Variants in KDM2A observed in about 807,000 individuals in gnomAD.
KDM2A encodes lysine-specific demethylase 2A.
In KDM2A, 3 loss-of-function variants were observed where a neutral mutation model predicts 137.3. The observed-to-expected ratio is 0.02, with a 90% CI of 0.01 to 0.06. The LOEUF (loss-of-function observed/expected upper bound fraction) is 0.06. KDM2A is among the 10% of genes least tolerant of loss of function. The probability of loss-of-function intolerance (pLI) is 1.00; values close to 1 mark genes in which losing one functional copy is unlikely to be tolerated. For missense variants in KDM2A, 738 were observed against 1,510.6 expected (o/e 0.49, Z 8.48); for synonymous variants, 512 against 541.5 (o/e 0.95, Z 0.76).
chr11:67,160,281 T>C (rs1856605776), intron 2 of KDM2A, among the ~76,000 whole-genome samples: 3 of 152,242 alleles, frequency 2.0e-5, no homozygotes, highest in Admixed American at 2.0e-4. Context: ...TCTCTGGGTA[T>C]GCTGTTGCCA....
At chr11:67,248,233 A>G in intron 15 of KDM2A, 48 bp from the exon 16 acceptor site, 2 of 1,327,150 alleles carry the variant, frequency 1.5e-6, no homozygotes, top group Non-Finnish European at 2.1e-6. Context: ...TGTTGGATAA[A>G]GGAAGCTTGA....
At chr11:67,138,865 G>C (rs1018941798) in intron 2 of KDM2A, among the ~76,000 whole-genome samples, 2 of 152,228 alleles carry the variant, frequency 1.3e-5, no homozygotes, top group South Asian at 2.1e-4. Context: ...GAGAACCATT[G>C]GAATTGTTGT....
intron 16 of KDM2A, 159 bp downstream of exon 16, chr11:67,248,529 G>A (rs1859317204): frequency 1.2e-5 from 7 of 576,850 alleles, no homozygotes; most frequent in South Asian, 1.1e-4. Context: ...TTAATTTTTA[G>A]TATTTTCTTT....
chr11:67,190,208 G>A (rs796237196), intron 5 of KDM2A, among the ~76,000 whole-genome samples: 8 of 152,312 alleles, frequency 5.3e-5, no homozygotes, highest in Admixed American at 2.6e-4. Flanking sequence ...TGAGGAGTTC[G>A]AGACTAGCCT....
At chr11:67,202,872 GTAGTCCCAGCTACTCCGGAGGC>G (rs1857675389) in intron 5 of KDM2A, among the ~76,000 whole-genome samples, 1 of 151,938 alleles carries the variant, frequency 6.6e-6, no homozygotes, top group African/African-American at 2.4e-5. Flanking sequence ...GCACGTGCCT[GTAGTCCCAGCTACTCCGGAGGC>G]TAAGGTGGAA....
intron 2 of KDM2A, among the ~76,000 whole-genome samples, chr11:67,128,146 A>T (rs897360798): frequency 6.6e-6 from 1 of 151,212 alleles, no homozygotes. Flanking sequence ...GGTACCACAG[A>T]TACATGCCAC....
intron 9 of KDM2A, among the ~76,000 whole-genome samples, chr11:67,218,900 C>T (rs888940684): frequency 6.6e-6 from 1 of 152,152 alleles, no homozygotes. Context: ...TGAGCCCCCG[C>T]GCCAGGTCAT....
chr11:67,206,476 C>A (rs765691428), intron 5 of KDM2A, among the ~76,000 whole-genome samples: 1 of 151,992 alleles, frequency 6.6e-6, no homozygotes, highest in Non-Finnish European at 1.5e-5. Context: ...GTGGCTCACG[C>A]CTGTAATCCT....
chr11:67,155,284 G>A (rs554022191), intron 2 of KDM2A, among the ~76,000 whole-genome samples: 203 of 152,254 alleles, frequency 1.3e-3, no homozygotes, highest in African/African-American at 4.5e-3. Flanking sequence ...AAGCCACTGC[G>A]CCCCAGCCTA....
Position 67,254,617 on chromosome 11 carries a change from G to A in KDM2A, c.3307+199G>A. ...GAGGCCTTGAGTAGTTAAGTCGGTT[G>A]CCTGTCTGCGCAGCCAACATCCAGC... On this transcript the variant is annotated intron_variant, in intron 20 of 20. Coordinates refer to ENST00000529006, the MANE Select transcript of KDM2A (RefSeq NM_012308.3). This position sits in a 1 kb window ranked among gnomAD's most constrained non-coding sequence, Gnocchi z 4.7. The A allele has an allele frequency of 1.6e-6, 1 of 638,884 alleles. No homozygotes were observed. Among genetic ancestry groups the A allele is most frequent in the Non-Finnish European group, 2.7e-6 (1 of 366,232 alleles). The allele number at this position is 638,884 out of a possible 1,614,324, so 39.6% of individuals were successfully genotyped here. A position where few individuals can be genotyped will look rare whatever the true frequency, so the allele number is the denominator to read the frequency against.
intron 12 of KDM2A, among the ~76,000 whole-genome samples, chr11:67,234,311 T>C (rs911832630): frequency 3.9e-5 from 6 of 152,176 alleles, no homozygotes; most frequent in African/African-American, 1.2e-4. Context: ...ATGGCTATAC[T>C]TCAGTGGGGG....
At chr11:67,180,713 T>C (rs1857072294) in intron 3 of KDM2A, among the ~76,000 whole-genome samples, 1 of 151,880 alleles carries the variant, frequency 6.6e-6, no homozygotes, top group African/African-American at 2.4e-5. Flanking sequence ...AGTGCAGTGG[T>C]GCGATCTCGG....
At chr11:67,132,224 G>A (rs941178329) in intron 2 of KDM2A, among the ~76,000 whole-genome samples, 2 of 152,168 alleles carry the variant, frequency 1.3e-5, no homozygotes, top group Admixed American at 6.6e-5. Context: ...TGCTGATAAC[G>A]TTGGGTAGAA....
In KDM2A at chr11:67,148,453, A is replaced by G. The variant is rs185680262; in HGVS notation, c.42+27095A>G. 3.0e-4 allele frequency among the ~76,000 whole-genome samples: 44 copies of G among 147,596 alleles called. No homozygotes were observed. The East Asian group carries it at 8.5e-3, about 29-fold the overall frequency. On this transcript the variant is annotated intron_variant, in intron 2 of 20. Coordinates refer to ENST00000529006, the MANE Select transcript of KDM2A (RefSeq NM_012308.3). ...AAGAAAATAAAATAAGGGTTTTTTC[A>G]TGGGGTAAAACTCAAATAATAGGTA...
intron 12 of KDM2A, among the ~76,000 whole-genome samples, chr11:67,241,644 C>T: frequency 6.6e-6 from 1 of 152,126 alleles, no homozygotes; most frequent in East Asian, 1.9e-4. Flanking sequence ...CCTAGGGTAG[C>T]CAGAAAAGGA....
intron 6 of KDM2A, 68 bp from the exon 7 acceptor site, chr11:67,215,272 G>T: frequency 5.2e-6 from 5 of 961,962 alleles, no homozygotes; most frequent in South Asian, 3.5e-5. Context: ...TGCTTTTCTT[G>T]ACTTTAAAAT....
intron 2 of KDM2A, among the ~76,000 whole-genome samples, chr11:67,127,743 T>C: frequency 6.6e-6 from 1 of 152,086 alleles, no homozygotes; most frequent in Non-Finnish European, 1.5e-5. Context: ...GTTTTGCTCT[T>C]GTTGCCGAGG....
intron 5 of KDM2A, among the ~76,000 whole-genome samples, chr11:67,201,389 C>T (rs989853332): frequency 2.2e-4 from 33 of 151,846 alleles, no homozygotes; most frequent in African/African-American, 8.0e-4. Flanking sequence ...GTCTGTAATC[C>T]CAATGTTTTG....
chr11:67,219,143 C>G (rs1858257773), intron 9 of KDM2A, 145 bp from the exon 10 acceptor site: 1 of 435,018 alleles, frequency 2.3e-6, no homozygotes, highest in Non-Finnish European at 4.1e-6. Flanking sequence ...GAAATTGAGG[C>G]TTTGAGAGAT....
Sources: gnomAD v4.1 joint callset for allele counts (sites outside exome capture counted in the v4.1 genomes callset) on GRCh38, gnomAD v4.1.1 for gene constraint, Gnocchi (gnomAD v3.1) non-coding constraint, MANE v1.5 for transcripts, NCBI Gene and HGNC (gene_info 2026-07-23, HGNC 2026-07-21) for gene names.